Variants in ZNF131 observed in about 807,000 individuals in gnomAD.
ZNF131 encodes zinc finger protein 131.
In ZNF131, 7 loss-of-function variants were observed where a neutral mutation model predicts 60.0. The observed-to-expected ratio is 0.12, with a 90% CI of 0.07 to 0.22. ZNF131 has a LOEUF of 0.22. Among genes scored for constraint, ZNF131 ranks in the 10% least tolerant of loss-of-function variants. ZNF131 has a pLI of 1.00. For missense variants in ZNF131, 493 were observed against 740.9 expected, an observed-to-expected ratio of 0.67 and a Z score of 3.88; for synonymous variants, 257 against 253.2, an observed-to-expected ratio of 1.01 and a Z score of -0.14.
At chr5:43,138,883 T>G (rs1384057288) in intron 3 of ZNF131, among the ~76,000 whole-genome samples, 1 of 152,180 alleles carries the variant, frequency 6.6e-6, no homozygotes, top group African/African-American at 2.4e-5. Flanking sequence ...GCAAGAAATG[T>G]AGCATGTCTG....
At chr5:43,131,637 A>G (rs781565862) in intron 3 of ZNF131, among the ~76,000 whole-genome samples, 1 of 152,152 alleles carries the variant, frequency 6.6e-6, no homozygotes, top group South Asian at 2.1e-4. Flanking sequence ...TGGTATTAAG[A>G]TTTTCTAGCT....
intron 4 of ZNF131, among the ~76,000 whole-genome samples, chr5:43,159,899 G>A (rs1049691040): frequency 4.6e-5 from 7 of 151,970 alleles, no homozygotes; most frequent in Admixed American, 2.6e-4. Flanking sequence ...GGCAGGCTGG[G>A]CGCGGTGGCC....
At chr5:43,121,899 C>T in intron 1 of ZNF131, 140 bp from the exon 2 acceptor site, 1 of 959,846 alleles carries the variant, frequency 1.0e-6, no homozygotes, top group Non-Finnish European at 1.5e-6. Flanking sequence ...GCCTTTCTTC[C>T]CTCGCCTTTC....
Position 43,175,623 on chromosome 5 carries a change from T to A in ZNF131, c.*490T>A. On this transcript the variant is annotated 3_prime_UTR_variant, in exon 7 of 7. Coordinates refer to ENST00000682664, the MANE Select transcript of ZNF131 (RefSeq NM_001330707.2). ...GTGCAGTTAAATTTTGGCTTCTGGCTTTCTTTAGTTTGAACAAACGTTCTT... is the reference window on the plus strand; with the variant it reads ...GTGCAGTTAAATTTTGGCTTCTGGCATTCTTTAGTTTGAACAAACGTTCTT... 3.7e-6 allele frequency: 2 copies of A among 539,314 alleles called. No homozygotes were observed. Among genetic ancestry groups the A allele is most frequent in the Non-Finnish European group, 6.5e-6 (2 of 309,040 alleles). The allele number at this position is 539,314 out of a possible 1,614,324, so 33.4% of individuals were successfully genotyped here.
chr5:43,150,541 G>A (rs1464233451), intron 4 of ZNF131, among the ~76,000 whole-genome samples: 1 of 152,000 alleles, frequency 6.6e-6, no homozygotes, highest in Non-Finnish European at 1.5e-5. Flanking sequence ...TGTAATCCCA[G>A]CACTTTGGGA....
At chr5:43,164,885 T>C (rs1253363617) in intron 5 of ZNF131, among the ~76,000 whole-genome samples, 3 of 152,236 alleles carry the variant, frequency 2.0e-5, no homozygotes, top group African/African-American at 7.2e-5. Context: ...CTTCATTGTT[T>C]TTTAACTTCA....
chr5:43,135,604 T>C (rs1745981543), intron 3 of ZNF131, among the ~76,000 whole-genome samples: 1 of 151,568 alleles, frequency 6.6e-6, no homozygotes, highest in African/African-American at 2.4e-5. Flanking sequence ...AATACAAAAA[T>C]TAGCTGGTTA....
At chr5:43,170,799 A>T (rs1750887906) in intron 5 of ZNF131, among the ~76,000 whole-genome samples, 1 of 138,624 alleles carries the variant, frequency 7.2e-6, no homozygotes, top group African/African-American at 2.7e-5. Flanking sequence ...TGCCCAGCTA[A>T]TTTTTTTTTT....
chr5:43,138,479 C>T (rs1036975201), intron 3 of ZNF131, among the ~76,000 whole-genome samples: 3 of 152,016 alleles, frequency 2.0e-5, no homozygotes, highest in African/African-American at 4.8e-5. Flanking sequence ...ATGGGGAAAC[C>T]CCATCTCTAC....
intron 3 of ZNF131, among the ~76,000 whole-genome samples, chr5:43,128,333 A>T (rs934195537): frequency 3.3e-5 from 5 of 152,156 alleles, no homozygotes; most frequent in African/African-American, 1.2e-4. Context: ...GTTTGTTCCT[A>T]GGACAGTGTT....
chr5:43,150,875 G>A (rs1276655051), intron 4 of ZNF131, among the ~76,000 whole-genome samples: 2 of 152,170 alleles, frequency 1.3e-5, no homozygotes, highest in Non-Finnish European at 2.9e-5. Context: ...AGAACTTCAA[G>A]CAGCAGGATT....
At chr5:43,151,661 C>T (rs1748330473) in intron 4 of ZNF131, among the ~76,000 whole-genome samples, 1 of 152,084 alleles carries the variant, frequency 6.6e-6, no homozygotes, top group Non-Finnish European at 1.5e-5. Context: ...TCTCCAACTC[C>T]CGACCTCAAG....
At position 43,127,678 on chromosome 5, in the gene ZNF131, A is replaced by G. The variant is rs888168650; in HGVS notation, c.226+4368A>G. Among the ~76,000 whole-genome samples, 3 of 152,230 alleles carry G rather than the reference A, an allele frequency of 2.0e-5. No individual in the cohort carries two copies. The East Asian group carries it at 5.8e-4, about 29-fold the overall frequency. The stretch of plus-strand genomic sequence containing the variant: ...GTTTTCTGTGTTCCTGGTTAAAGTA[A>G]GTTACCTTTGATGAAAACCACAGGT... On this transcript the variant is annotated intron_variant, in intron 3 of 6. Coordinates refer to ENST00000682664, the MANE Select transcript of ZNF131 (RefSeq NM_001330707.2).
In ZNF131 at chr5:43,145,261, G is replaced by A. The variant is rs531081997; in HGVS notation, c.371+5952G>A. ...TCTGCAAAACAAAAGCCTGGTAGGA[G>A]CACTTTTTCTTGTTCTTTAATTACT... is the stretch of plus-strand genomic sequence containing the variant. On this transcript the variant is annotated intron_variant, in intron 4 of 6. Transcript: ENST00000682664. Among the ~76,000 whole-genome samples, 3 of 152,208 alleles carry A rather than the reference G, an allele frequency of 2.0e-5. No individual in the cohort carries two copies. In the East Asian group the frequency reaches 5.8e-4, roughly 29 times the overall value.
intron 4 of ZNF131, among the ~76,000 whole-genome samples, chr5:43,158,128 C>T (rs542648159): frequency 6.6e-6 from 1 of 152,224 alleles, no homozygotes; most frequent in Non-Finnish European, 1.5e-5. Flanking sequence ...ACCGCCATGC[C>T]TGGCTGATTT....
chr5:43,133,583 CT>C (rs1398801480), intron 3 of ZNF131, among the ~76,000 whole-genome samples: 2 of 152,184 alleles, frequency 1.3e-5, no homozygotes, highest in African/African-American at 4.8e-5. Context: ...TCAAAAATCA[CT>C]TTCCTGAAGT....
chr5:43,169,910 C>T (rs1351956775), intron 5 of ZNF131, among the ~76,000 whole-genome samples: 2 of 151,984 alleles, frequency 1.3e-5, no homozygotes, highest in Non-Finnish European at 2.9e-5. Context: ...CCTGCCTCAG[C>T]CTCCCGAGTA....
chr5:43,167,586 A>G (rs940467432), intron 5 of ZNF131, among the ~76,000 whole-genome samples: 1 of 152,090 alleles, frequency 6.6e-6, no homozygotes, highest in African/African-American at 2.4e-5. Context: ...ATGCACTGTA[A>G]TCTGTGGCTT....
intron 3 of ZNF131, among the ~76,000 whole-genome samples, chr5:43,138,425 G>C (rs180964601): frequency 2.0e-5 from 3 of 152,232 alleles, no homozygotes; most frequent in Non-Finnish European, 4.4e-5. Context: ...AGGCTGATCG[G>C]GCAGATCACT....
Sources: allele counts gnomAD v4.1 joint callset (sites outside exome capture counted in the v4.1 genomes callset), GRCh38; gene constraint gnomAD v4.1.1; transcripts MANE v1.5; gene names NCBI Gene and HGNC (gene_info 2026-07-23, HGNC 2026-07-21).